Variants in PTPN22 observed in about 807,000 individuals in gnomAD.
The protein encoded by PTPN22 is tyrosine-protein phosphatase non-receptor type 22.
In PTPN22, 85 loss-of-function variants were observed where a neutral mutation model predicts 103.3. The observed-to-expected ratio is 0.82, with a 90% CI of 0.69 to 0.99. The LOEUF is 0.99. Among genes scored for constraint, PTPN22 ranks in the 50% least tolerant of loss-of-function variants. The pLI is 0.00. For missense variants in PTPN22, 865 were observed against 936.9 expected (o/e 0.92, Z 1.00); for synonymous variants, 323 against 310.2 (o/e 1.04, Z -0.43).
intron 18 of PTPN22, chr1:113,828,987 ACT>A (rs1230946135): frequency 9.9e-5 from 15 of 151,574 alleles, no homozygotes; most frequent in Non-Finnish European, 1.9e-4. Flanking sequence ...TGCTAAGGTG[ACT>A]CTCTTTCATT....
intron 10 of PTPN22, among the ~76,000 whole-genome samples, 156 bp from the exon 11 acceptor site, chr1:113,848,782 A>G (rs927216357): frequency 6.6e-5 from 10 of 152,222 alleles, no homozygotes; most frequent in Admixed American, 5.2e-4. Flanking sequence ...ACAATGCCTT[A>G]TGCTTACGTA....
chr1:113,841,470 A>G (rs1241420862), intron 11 of PTPN22, among the ~76,000 whole-genome samples: 3 of 152,204 alleles, frequency 2.0e-5, no homozygotes, highest in Non-Finnish European at 4.4e-5. Flanking sequence ...ACACCAAAGG[A>G]CACAAAGGCA....
intron 16 of PTPN22, among the ~76,000 whole-genome samples, chr1:113,832,240 T>G (rs1662610717): frequency 6.6e-6 from 1 of 152,196 alleles, no homozygotes; most frequent in Non-Finnish European, 1.5e-5. Context: ...CAGGCTGGTG[T>G]GCAGTGGCGC....
At chr1:113,829,006 CTTTTT>C (rs1039771187) in intron 18 of PTPN22, 4 of 152,002 alleles carry the variant, frequency 2.6e-5, no homozygotes, top group Non-Finnish European at 5.9e-5. Flanking sequence ...CATTGCTTTT[CTTTTT>C]ATTTATTTTT....
At chr1:113,854,402 A>C in intron 9 of PTPN22, 69 bp downstream of exon 9, 1 of 1,413,698 alleles carries the variant, frequency 7.1e-7, no homozygotes, top group South Asian at 1.2e-5. Context: ...GTTTTGAAAA[A>C]CCAAACAATT....
At chr1:113,829,536 A>G (rs755494794) in intron 18 of PTPN22, 56 bp downstream of exon 18, 4 of 948,484 alleles carry the variant, frequency 4.2e-6, no homozygotes, top group Non-Finnish European at 6.3e-6. Flanking sequence ...GGGAGGGGGA[A>G]ACTTTCAGTA....
chr1:113,859,087 C>G lies in PTPN22; in HGVS notation c.197-9G>C. ...TACCCGGCTATAATCATCTATAATACAAAAGACAGACATAGTACAATTAAG... is the reference window on the plus strand; with the variant it reads ...TACCCGGCTATAATCATCTATAATAGAAAAGACAGACATAGTACAATTAAG... On this transcript the variant is annotated splice_polypyrimidine_tract_variant and intron_variant, in intron 2 of 20. Transcript: ENST00000359785. The G allele has an allele frequency of 4.3e-6, 7 of 1,612,840 alleles. No individual in the cohort carries two copies. Among genetic ancestry groups the G allele is most frequent in the Non-Finnish European group, 5.9e-6 (7 of 1,179,430 alleles).
At chr1:113,871,662 G>A (rs1666598304) in exon 1 of PTPN22, 8 of 1,581,764 alleles carry the variant, frequency 5.1e-6, no homozygotes, top group Admixed American at 1.7e-5. Flanking sequence ...GTAGGTTGAG[G>A]GAGGGCATGT....
At chr1:113,835,244 C>T (rs1662879256) in intron 13 of PTPN22, among the ~76,000 whole-genome samples, 1 of 152,156 alleles carries the variant, frequency 6.6e-6, no homozygotes, top group South Asian at 2.1e-4. Flanking sequence ...TAGGGCTGGG[C>T]GCGGTGGCTC....
At chr1:113,856,828 T>C (rs756523999) in intron 5 of PTPN22, 12 of 554,958 alleles carry the variant, frequency 2.2e-5, no homozygotes, top group Non-Finnish European at 3.0e-5. Flanking sequence ...CCTGGGAGTC[T>C]GAAAAAGTAG....
chr1:113,822,634 T>C (rs907727788), intron 19 of PTPN22, among the ~76,000 whole-genome samples: 3 of 152,100 alleles, frequency 2.0e-5, no homozygotes, highest in Non-Finnish European at 4.4e-5. Context: ...TGGCTGCTCC[T>C]TCATGTTTTG....
rs111840498 is a variant in PTPN22 at position 113,834,561 on chromosome 1, C to T, written c.1895-122G>A. ...TGAGAAGTAATCTAGTTAATTCACA[C>T]TTCATTTTATTTTTTGAGACAGGGT... is the stretch of plus-strand genomic sequence containing the variant. On this transcript the variant is annotated intron_variant, in intron 14 of 20. Coordinates refer to ENST00000359785, the Ensembl canonical transcript of PTPN22. 194 of 1,090,670 alleles carry T rather than the reference C, an allele frequency of 1.8e-4. No individual in the cohort carries two copies. In the African/African-American group the frequency reaches 2.5e-3, roughly 14 times the overall value. 67.6% of individuals were successfully genotyped at this position (1,090,670 alleles called of 1,614,324 possible).
At position 113,854,413 on chromosome 1, in the gene PTPN22, A is replaced by G. The variant is rs1664873387; in HGVS notation, c.750+58T>C. On this transcript the variant is annotated intron_variant, in intron 9 of 20. Coordinates refer to ENST00000359785, the Ensembl canonical transcript of PTPN22. The stretch of plus-strand genomic sequence containing the variant: ...AGATGTTTTGAAAAACCAAACAATT[A>G]CTAAGTATGAAAGCAGTAGACTAAG... The G allele has an allele frequency of 2.7e-6, 4 of 1,461,272 alleles. No homozygotes were observed. In the East Asian group the frequency reaches 6.8e-5, roughly 25 times the overall value. The allele number at this position is 1,461,272 out of a possible 1,614,324, so 90.5% of individuals were successfully genotyped here.
exon 7 of PTPN22, chr1:113,856,429 T>C (rs776026312): frequency 6.3e-7 from 1 of 1,597,570 alleles, no homozygotes; most frequent in African/African-American, 1.3e-5. Context: ...TCAGATTTCC[T>C]TTTTTCAGCT....
chr1:113,858,618 C>T, intron 3 of PTPN22, 45 bp from the exon 4 acceptor site: 1 of 1,173,762 alleles, frequency 8.5e-7, no homozygotes. Flanking sequence ...AAATAATACC[C>T]TGTTCTCACC....
chr1:113,838,443 C>T, intron 12 of PTPN22, 36 bp from the exon 13 acceptor site: 1 of 1,585,234 alleles, frequency 6.3e-7, no homozygotes, highest in Non-Finnish European at 8.6e-7. Flanking sequence ...TGACACCATA[C>T]CCCAAACAGG....
At chr1:113,853,539 A>G (rs1664757719) in intron 9 of PTPN22, among the ~76,000 whole-genome samples, 2 of 150,616 alleles carry the variant, frequency 1.3e-5, no homozygotes, top group Non-Finnish European at 3.0e-5. Context: ...TAGTAGAGAC[A>G]GGGTTTCACC....
At chr1:113,826,669 T>C (rs1228241184) in intron 18 of PTPN22, among the ~76,000 whole-genome samples, 1 of 128,554 alleles carries the variant, frequency 7.8e-6, no homozygotes, top group East Asian at 2.1e-4. Context: ...ATTTTTTTTT[T>C]TTTTTTTTTT....
At chr1:113,856,321 C>T in intron 7 of PTPN22, 61 bp downstream of exon 7, 1 of 1,496,298 alleles carries the variant, frequency 6.7e-7, no homozygotes, top group Non-Finnish European at 8.9e-7. Flanking sequence ...CTACACACAT[C>T]TATATTTACT....
Sources: gnomAD v4.1 joint callset for allele counts (sites outside exome capture counted in the v4.1 genomes callset) on GRCh38, gnomAD v4.1.1 for gene constraint, MANE v1.5 for transcripts, NCBI Gene and HGNC (gene_info 2026-07-23, HGNC 2026-07-21) for gene names.